Variants in TMEM33 observed in about 807,000 individuals in gnomAD.
TMEM33 encodes transmembrane protein 33.
A neutral mutation model predicts 29.7 loss-of-function variants in TMEM33; 16 were observed. The ratio of observed to expected loss-of-function variants is 0.54; its 90% CI spans 0.36 to 0.82. The LOEUF is 0.82. TMEM33 is among the 40% of genes least tolerant of loss of function. The probability of loss-of-function intolerance (pLI) is 0.00; values close to 1 mark genes in which losing one functional copy is unlikely to be tolerated. For missense variants in TMEM33, 252 were observed against 295.3 expected (o/e 0.85, Z 1.08); for synonymous variants, 112 against 109.4 (o/e 1.02, Z -0.15).
At chr4:41,950,731 A>T (rs1049651427) in intron 6 of TMEM33, among the ~76,000 whole-genome samples, 1 of 152,092 alleles carries the variant, frequency 6.6e-6, no homozygotes, top group Admixed American at 6.6e-5. Flanking sequence ...TGGTCCCTAT[A>T]TTCATTTCAG....
intron 6 of TMEM33, 114 bp from the exon 7 acceptor site, chr4:41,953,956 C>A: frequency 7.4e-7 from 1 of 1,353,250 alleles, no homozygotes; most frequent in Non-Finnish European, 1.0e-6. Context: ...TGCGGTGTTG[C>A]AACAAACCTT....
At chr4:41,938,172 A>AT (rs34632091) in intron 1 of TMEM33, among the ~76,000 whole-genome samples, 1,572 of 152,242 alleles carry the variant, frequency 0.01, 10 homozygotes, top group Middle Eastern at 0.017. Flanking sequence ...CGGATTTGAG[A>AT]TTTTTTGCTA....
At chr4:41,935,423 T>G (rs1712172729), upstream of TMEM33, 1 of 1,548,520 alleles carries the variant, frequency 6.5e-7, no homozygotes, top group Non-Finnish European at 8.8e-7. Context: ...AGCGCTGACG[T>G]TTTCTCTCCC....
chr4:41,938,205 G>A (rs1712340334), intron 1 of TMEM33, among the ~76,000 whole-genome samples: 1 of 152,196 alleles, frequency 6.6e-6, no homozygotes, highest in Non-Finnish European at 1.5e-5. Context: ...TGGATCTCTT[G>A]AGAGCAATTA....
chr4:41,946,227 A>G (rs576154438), intron 5 of TMEM33, among the ~76,000 whole-genome samples: 1 of 152,050 alleles, frequency 6.6e-6, no homozygotes, highest in South Asian at 2.1e-4. Flanking sequence ...CATAGATACC[A>G]GAATTGATTT....
At chr4:41,940,807 CAA>C (rs11390153) in intron 3 of TMEM33, among the ~76,000 whole-genome samples, 4 of 53,260 alleles carry the variant, frequency 7.5e-5, no homozygotes, top group Non-Finnish European at 7.9e-5. Context: ...GACTCCTTCT[CAA>C]AAAAAAAAAA....
Position 41,957,334 on chromosome 4 carries a change from C to A in TMEM33, c.*3135C>A, listed in dbSNP as rs1159812708. 7.2e-6 allele frequency: 1 copy of A among 139,412 alleles called. No homozygotes were observed. Among genetic ancestry groups the A allele is most frequent in the African/African-American group, 2.7e-5 (1 of 37,330 alleles). The allele number at this position is 139,412 out of a possible 1,614,324, so 8.6% of individuals were successfully genotyped here. A position where few individuals can be genotyped will look rare whatever the true frequency, so the allele number is the denominator to read the frequency against. On this transcript the variant is annotated 3_prime_UTR_variant, in exon 7 of 7. Transcript: ENST00000504986. ...TCCTGGAAGAAAGAAAGCAAGCGAA[C>A]TTTTTAAAGAAAATTAGACTTGAAT...
rs1713170070 is a variant in TMEM33 at position 41,954,320 on chromosome 4, A to C, written c.*121A>C. 1.9e-6 allele frequency: 2 copies of C among 1,070,556 alleles called. No homozygotes were observed. Among genetic ancestry groups the C allele is most frequent in the African/African-American group, 3.2e-5 (2 of 62,096 alleles). The allele number at this position is 1,070,556 out of a possible 1,614,324, so 66.3% of individuals were successfully genotyped here. A position where few individuals can be genotyped will look rare whatever the true frequency, so the allele number is the denominator to read the frequency against. On this transcript the variant is annotated 3_prime_UTR_variant, in exon 7 of 7. Coordinates refer to ENST00000504986, the MANE Select transcript of TMEM33 (RefSeq NM_018126.3). ...AATCCAATTTACATAATTTACATAA[A>C]TGCATCTCGGTGGAAAAATAATCAT...
At chr4:41,940,807 C>CAAAA (rs11390153) in intron 3 of TMEM33, among the ~76,000 whole-genome samples, 10 of 53,216 alleles carry the variant, frequency 1.9e-4, no homozygotes, top group Non-Finnish European at 3.2e-4. Flanking sequence ...GACTCCTTCT[C>CAAAA]AAAAAAAAAA....
Position 41,959,766 on chromosome 4 carries a change from G to T in TMEM33, c.*5567G>T, listed in dbSNP as rs776507687. The T allele has an allele frequency of 2.6e-5, 4 of 152,126 alleles. No individual in the cohort carries two copies. The highest frequency in any genetic ancestry group is 5.9e-5 in the Non-Finnish European group (4 of 68,002). 9.4% of individuals were successfully genotyped at this position (152,126 alleles called of 1,614,324 possible). On this transcript the variant is annotated 3_prime_UTR_variant, in exon 7 of 7. Transcript: ENST00000504986. Reference sequence around the variant, plus strand: ...GTTGAGCAAGTAACATTTATGATGTGTGTATATTGGAACAAATGTAAAAGG... The same window carrying T: ...GTTGAGCAAGTAACATTTATGATGTTTGTATATTGGAACAAATGTAAAAGG...
chr4:41,953,971 T>G, intron 6 of TMEM33, 99 bp from the exon 7 acceptor site: 1 of 1,483,676 alleles, frequency 6.7e-7, no homozygotes, highest in Non-Finnish European at 9.2e-7. Context: ...AACCTTCAAT[T>G]TGTAAAAAAT....
intron 3 of TMEM33, among the ~76,000 whole-genome samples, chr4:41,942,958 T>C (rs1176777240): frequency 6.6e-6 from 1 of 152,168 alleles, no homozygotes; most frequent in African/African-American, 2.4e-5. Context: ...TAATAAAAGA[T>C]CTTTAGTCTT....
At chr4:41,951,385 T>A (rs1322494215) in intron 6 of TMEM33, among the ~76,000 whole-genome samples, 2 of 152,174 alleles carry the variant, frequency 1.3e-5, no homozygotes, top group African/African-American at 4.8e-5. Context: ...ATTAAGGAAC[T>A]CTCTGACTGG....
chr4:41,942,744 A>G (rs1373358563), intron 3 of TMEM33, among the ~76,000 whole-genome samples: 2 of 152,140 alleles, frequency 1.3e-5, no homozygotes, highest in East Asian at 1.9e-4. Context: ...TGAAAAATGT[A>G]TGTTTATCCA....
intron 6 of TMEM33, chr4:41,953,783 C>A (rs141756060): frequency 6.5e-5 from 31 of 475,636 alleles, no homozygotes; most frequent in African/African-American, 5.9e-4. Context: ...AAAACAGTTA[C>A]AATAGTAACA....
chr4:41,943,759 C>G lies in TMEM33; in HGVS notation c.341C>G (p.Pro114Arg). Residue 114 changes from proline to arginine, a missense_variant, in exon 4 of 7, where the codon CCA becomes CGA. By Grantham distance (103) the Pro-to-Arg change is moderately radical. Transcript: ENST00000504986. ...NSYPVTMSIFPVLLFSLLHAA... is the reference protein window; with the variant it reads ...NSYPVTMSIFRVLLFSLLHAA... ...TTGTTTTCTTTAGTGAGTATCTTCC[C>G]AGTCTTGTTATTCTCTTTGCTTCAT... The G allele has an allele frequency of 6.2e-7, 1 of 1,613,546 alleles. No homozygotes were observed. The highest frequency in any genetic ancestry group is 1.1e-5 in the South Asian group (1 of 91,036).
At position 41,956,786 on chromosome 4, in the gene TMEM33, GTAATCT is replaced by G. The variant is rs938381806; in HGVS notation, c.*2591_*2596del. 2 of 151,992 alleles carry G rather than the reference GTAATCT, an allele frequency of 1.3e-5. No individual in the cohort carries two copies. Among genetic ancestry groups the G allele is most frequent in the Admixed American group, 6.6e-5 (1 of 15,262 alleles). 9.4% of individuals were successfully genotyped at this position (151,992 alleles called of 1,614,324 possible). A position where few individuals can be genotyped will look rare whatever the true frequency, so the allele number is the denominator to read the frequency against. Reference sequence around the variant, plus strand: ...AGGAAGGTTTAATATACAAAAAAAGGTAATCTTAAACTTACGAAAAAGTAAATTTTA... The same window carrying G: ...AGGAAGGTTTAATATACAAAAAAAGGTAAACTTACGAAAAAGTAAATTTTA... On this transcript the variant is annotated 3_prime_UTR_variant, in exon 7 of 7. Transcript: ENST00000504986.
intron 6 of TMEM33, among the ~76,000 whole-genome samples, chr4:41,951,717 A>G (rs1053078076): frequency 1.3e-5 from 2 of 152,356 alleles, no homozygotes; most frequent in Non-Finnish European, 2.9e-5. Flanking sequence ...TAGAGAACAG[A>G]CAGAGACAAA....
chr4:41,954,220 C>T lies in TMEM33; in HGVS notation c.*21C>T. 6.2e-7 allele frequency: 1 copy of T among 1,612,546 alleles called. No homozygotes were observed. Among genetic ancestry groups the T allele is most frequent in the South Asian group, 1.1e-5 (1 of 90,988 alleles). On this transcript the variant is annotated 3_prime_UTR_variant, in exon 7 of 7. Transcript: ENST00000504986. ...CATAGTTTAACATCTAGTTAAGCTA[C>T]AAATATAGTATAAGCATTATTAGCA... is the stretch of plus-strand genomic sequence containing the variant.
Sources: allele counts gnomAD v4.1 joint callset (sites outside exome capture counted in the v4.1 genomes callset), GRCh38; gene constraint gnomAD v4.1.1; transcripts MANE v1.5; gene names NCBI Gene and HGNC (gene_info 2026-07-23, HGNC 2026-07-21).